The following DGKI variants were observed in gnomAD, a reference collection of about 807,000 sequenced individuals.
DGKI encodes the protein DAG kinase iota.
Under a neutral mutation model 147.5 loss-of-function variants are expected in DGKI, and 55 were observed. The observed-to-expected ratio is 0.37, with a 90% CI of 0.30 to 0.47. The LOEUF (loss-of-function observed/expected upper bound fraction) is 0.47. Among genes scored for constraint, DGKI ranks in the 20% least tolerant of loss-of-function variants. The pLI is 1.00. For missense variants in DGKI, 1,007 were observed against 1,323.8 expected (o/e 0.76, Z 3.71); for synonymous variants, 469 against 477.1 (o/e 0.98, Z 0.22).
intron 20 of DGKI, among the ~76,000 whole-genome samples, chr7:137,541,238 T>C (rs770124603): frequency 1.3e-5 from 2 of 152,218 alleles, no homozygotes; most frequent in African/African-American, 2.4e-5. Context: ...TGTGTGTCTG[T>C]GTGTGCGTAT....
intron 20 of DGKI, among the ~76,000 whole-genome samples, chr7:137,533,180 T>A (rs1444258879): frequency 6.6e-6 from 1 of 152,064 alleles, no homozygotes; most frequent in Non-Finnish European, 1.5e-5. Flanking sequence ...TCCTAGCTAC[T>A]CAGGAGGCTG....
chr7:137,539,192 A>G (rs889070857), intron 20 of DGKI, among the ~76,000 whole-genome samples: 1 of 152,320 alleles, frequency 6.6e-6, no homozygotes, highest in East Asian at 1.9e-4. Flanking sequence ...TGACGCCAAG[A>G]GAGTGGCAGA....
intron 1 of DGKI, among the ~76,000 whole-genome samples, chr7:137,819,604 C>T (rs185846261): frequency 1.3e-5 from 2 of 152,232 alleles, no homozygotes; most frequent in East Asian, 3.9e-4. Flanking sequence ...GCCACCGCGC[C>T]CAGCCAGACT....
intron 1 of DGKI, among the ~76,000 whole-genome samples, chr7:137,753,016 T>C (rs1401381326): frequency 6.7e-6 from 1 of 148,416 alleles, no homozygotes; most frequent in East Asian, 2.0e-4. Flanking sequence ...CACGTGTTAC[T>C]AGTGCATGCT....
chr7:137,791,011 G>T (rs1796835816), intron 1 of DGKI, among the ~76,000 whole-genome samples: 1 of 152,104 alleles, frequency 6.6e-6, no homozygotes, highest in Non-Finnish European at 1.5e-5. Flanking sequence ...TGCTGTAGAA[G>T]GAGCTGTGAG....
chr7:137,460,367 ATATG>A (rs1216182582), intron 27 of DGKI, among the ~76,000 whole-genome samples: 5 of 152,254 alleles, frequency 3.3e-5, no homozygotes, highest in Admixed American at 2.0e-4. Flanking sequence ...AATTTATAGC[ATATG>A]TATGATGCAA....
chr7:137,784,079 A>G (rs900901814), intron 1 of DGKI, among the ~76,000 whole-genome samples: 2 of 152,222 alleles, frequency 1.3e-5, no homozygotes, highest in African/African-American at 2.4e-5. Flanking sequence ...CAAGGTATTC[A>G]GGCAACAAAT....
intron 2 of DGKI, among the ~76,000 whole-genome samples, chr7:137,688,457 T>G (rs2116446289): frequency 6.6e-6 from 1 of 152,278 alleles, no homozygotes; most frequent in Admixed American, 6.5e-5. Flanking sequence ...GATGAGGACG[T>G]TGAAGCTGAA....
chr7:137,535,864 A>G (rs1817500655), intron 20 of DGKI, among the ~76,000 whole-genome samples: 2 of 152,264 alleles, frequency 1.3e-5, no homozygotes, highest in South Asian at 2.1e-4. Flanking sequence ...GGATGTCAGC[A>G]TGACATTTCC....
At chr7:137,513,327 C>T (rs1816640684) in intron 21 of DGKI, among the ~76,000 whole-genome samples, 1 of 152,092 alleles carries the variant, frequency 6.6e-6, no homozygotes, top group Non-Finnish European at 1.5e-5. Context: ...ACCACCTACT[C>T]GAAGGCACTG....
chr7:137,405,299 G>C (rs958597812), intron 30 of DGKI, among the ~76,000 whole-genome samples: 7 of 152,034 alleles, frequency 4.6e-5, no homozygotes, highest in African/African-American at 1.7e-4. Flanking sequence ...AGGCTGGAGT[G>C]CAGTGGTGCA....
chr7:137,827,130 C>A lies in DGKI; in HGVS notation c.401+19332G>T, dbSNP rs533315326. On this transcript the variant is annotated intron_variant, in intron 1 of 32. Transcript: ENST00000614521. The stretch of plus-strand genomic sequence containing the variant: ...TTGTCCATACTGGAGTGTCTGGAGG[C>A]ATGGCAGGGTGGAGGTGTCACTTGC... Among the ~76,000 whole-genome samples the A allele has an allele frequency of 3.9e-5, 6 of 152,190 alleles. No homozygotes were observed. In the South Asian group the frequency reaches 1.2e-3, roughly 32 times the overall value.
chr7:137,513,800 C>T (rs1816658314), intron 21 of DGKI: 1 of 595,410 alleles, frequency 1.7e-6, no homozygotes, highest in Non-Finnish European at 3.1e-6. Context: ...TGCAGTAAAA[C>T]TATGGTATTA....
At chr7:137,488,858 C>T (rs917268817) in intron 21 of DGKI, among the ~76,000 whole-genome samples, 3 of 151,966 alleles carry the variant, frequency 2.0e-5, no homozygotes, top group African/African-American at 4.8e-5. Context: ...TAACACAGGC[C>T]GTATTAAATG....
intron 27 of DGKI, among the ~76,000 whole-genome samples, chr7:137,459,328 C>T (rs1814327060): frequency 6.6e-6 from 1 of 152,002 alleles, no homozygotes; most frequent in South Asian, 2.1e-4. Context: ...CCGCTTGGCA[C>T]AAAAATGCCC....
At chr7:137,621,139 T>C (rs1359615809) in intron 7 of DGKI, among the ~76,000 whole-genome samples, 2 of 152,214 alleles carry the variant, frequency 1.3e-5, no homozygotes, top group Non-Finnish European at 2.9e-5. Flanking sequence ...TAATCATTAA[T>C]CAAGCAATTG....
chr7:137,461,632 T>C (rs1312278535), intron 27 of DGKI, among the ~76,000 whole-genome samples: 1 of 152,224 alleles, frequency 6.6e-6, no homozygotes, highest in Admixed American at 6.5e-5. Flanking sequence ...GAATTCAGAC[T>C]GAGCCTAGTA....
chr7:137,767,420 A>G (rs1206697237), intron 1 of DGKI, among the ~76,000 whole-genome samples: 2 of 151,762 alleles, frequency 1.3e-5, no homozygotes, highest in Non-Finnish European at 2.9e-5. Flanking sequence ...TAGAGGATAA[A>G]TTCAGGACAT....
chr7:137,697,695 C>T, intron 1 of DGKI, among the ~76,000 whole-genome samples: 1 of 152,158 alleles, frequency 6.6e-6, no homozygotes, highest in Non-Finnish European at 1.5e-5. Flanking sequence ...CTCAAATATA[C>T]AGAAACAACA....
Sources: allele counts gnomAD v4.1 joint callset (sites outside exome capture counted in the v4.1 genomes callset), GRCh38; gene constraint gnomAD v4.1.1; transcripts MANE v1.5; gene names NCBI Gene and HGNC (gene_info 2026-07-23, HGNC 2026-07-21).